Variants in NPAS2 observed in about 807,000 individuals in gnomAD.
NPAS2 encodes neuronal PAS domain protein 2, also known as neuronal PAS domain-containing protein 2.
NPAS2 carries 23 observed loss-of-function variants against 107.5 expected under a neutral mutation model. That is an observed-to-expected ratio of 0.21 (90% CI 0.15 to 0.30). The LOEUF (loss-of-function observed/expected upper bound fraction) is 0.30. Among genes scored for constraint, NPAS2 ranks in the 10% least tolerant of loss-of-function variants. The pLI is 1.00. For missense variants in NPAS2, 756 were observed against 1,043.3 expected, an observed-to-expected ratio of 0.72 and a Z score of 3.79; for synonymous variants, 403 against 417.5, an observed-to-expected ratio of 0.97 and a Z score of 0.42.
intron 7 of NPAS2, among the ~76,000 whole-genome samples, chr2:100,957,945 G>C (rs914431134): frequency 1.3e-5 from 2 of 152,080 alleles, no homozygotes; most frequent in Non-Finnish European, 2.9e-5. Flanking sequence ...AAAGGTCTTT[G>C]CTTTACGGGG....
chr2:100,968,577 T>TA lies in NPAS2; in HGVS notation c.1055+151dup, dbSNP rs1676366900. The TA allele has an allele frequency of 1.4e-6, 1 of 724,068 alleles. No homozygotes were observed. Among genetic ancestry groups the TA allele is most frequent in the Non-Finnish European group, 2.2e-6 (1 of 449,018 alleles). 44.9% of individuals were successfully genotyped at this position (724,068 alleles called of 1,614,324 possible). A position where few individuals can be genotyped will look rare whatever the true frequency, so the allele number is the denominator to read the frequency against. On this transcript the variant is annotated intron_variant, in intron 11 of 20. Transcript: ENST00000335681. The surrounding 1 kb of genome is among the most constrained non-coding windows in gnomAD (Gnocchi z 5.3). ...TGAAGCCCAGGCCATCCCCTGCCGT[T>TA]AACAGCACAATTCCCAGAGCTCAGC...
chr2:100,930,863 T>C (rs1221989205), intron 3 of NPAS2, among the ~76,000 whole-genome samples: 1 of 152,230 alleles, frequency 6.6e-6, no homozygotes, highest in Non-Finnish European at 1.5e-5. Flanking sequence ...AAGACTCTTC[T>C]GCTAGAAAAA....
intron 16 of NPAS2, chr2:100,987,831 C>T: frequency 1.8e-6 from 1 of 548,746 alleles, no homozygotes. Flanking sequence ...ATTGTTAGGC[C>T]TCAGTCACTT....
chr2:100,982,780 T>C, intron 16 of NPAS2: 1 of 198,188 alleles, frequency 5.0e-6, no homozygotes, highest in South Asian at 1.1e-4. Context: ...GAAGCAGCTC[T>C]GTTGTTTCTC....
At chr2:100,931,204 C>A (rs891229845) in intron 3 of NPAS2, among the ~76,000 whole-genome samples, 4 of 152,172 alleles carry the variant, frequency 2.6e-5, no homozygotes, top group African/African-American at 9.7e-5. Context: ...TCCAGGGGCC[C>A]TCTCAGTGTC....
intron 1 of NPAS2, among the ~76,000 whole-genome samples, chr2:100,863,645 A>C (rs1253455950): frequency 6.6e-6 from 1 of 152,184 alleles, no homozygotes; most frequent in Admixed American, 6.5e-5. Context: ...TAAACACAGG[A>C]ATGAGAAATA....
At chr2:100,858,040 T>C (rs1294275545) in intron 1 of NPAS2, among the ~76,000 whole-genome samples, 2 of 152,230 alleles carry the variant, frequency 1.3e-5, no homozygotes, top group African/African-American at 2.4e-5. Context: ...ATGCAGCTCT[T>C]TATAAAACAT....
intron 1 of NPAS2, among the ~76,000 whole-genome samples, chr2:100,842,081 G>GCGCGTGCACACACACACACACACA: frequency 2.9e-4 from 43 of 148,798 alleles, no homozygotes; most frequent in Non-Finnish European, 4.8e-4. Context: ...GCATGTACGC[G>GCGCGTGCACACACACACACACACA]CACACACACA....
intron 2 of NPAS2, among the ~76,000 whole-genome samples, chr2:100,906,136 A>G (rs1341897103): frequency 6.6e-6 from 1 of 152,254 alleles, no homozygotes; most frequent in Non-Finnish European, 1.5e-5. Context: ...TCAAACAGGC[A>G]TCAGTGCATA....
At chr2:100,971,199 T>C in intron 12 of NPAS2, 125 bp downstream of exon 12, 1 of 806,622 alleles carries the variant, frequency 1.2e-6, no homozygotes, top group Non-Finnish European at 1.9e-6. Flanking sequence ...TTCAGGAGGC[T>C]GAGGTGGGAG....
At chr2:100,867,608 G>A (rs957104072) in intron 1 of NPAS2, among the ~76,000 whole-genome samples, 1 of 152,110 alleles carries the variant, frequency 6.6e-6, no homozygotes, top group African/African-American at 2.4e-5. Flanking sequence ...TGAGAACAAT[G>A]TTTGCTAGGT....
chr2:100,915,186 C>A (rs1456614591), intron 2 of NPAS2, among the ~76,000 whole-genome samples: 1 of 140,392 alleles, frequency 7.1e-6, no homozygotes, highest in Non-Finnish European at 1.5e-5. Context: ...ACCTTTTATG[C>A]AGAGGAAGGG....
intron 5 of NPAS2, among the ~76,000 whole-genome samples, chr2:100,943,849 T>C (rs1249082480): frequency 6.6e-6 from 1 of 152,188 alleles, no homozygotes; most frequent in Non-Finnish European, 1.5e-5. Flanking sequence ...GCCCTTCCAA[T>C]TTTACCAGAT....
At chr2:100,876,455 TCGG>T (rs1282453185) in intron 1 of NPAS2, among the ~76,000 whole-genome samples, 1 of 152,222 alleles carries the variant, frequency 6.6e-6, no homozygotes, top group Non-Finnish European at 1.5e-5. Flanking sequence ...TCTCTTCCTT[TCGG>T]ACCTGGCCTT....
rs994454686 is a variant in NPAS2 at position 100,901,453 on chromosome 2, G to T, written c.-22-3280G>T. ...AGCTTAAAAAGACTCCGGAGAGTTT[G>T]TGTTCTAGGAAAACCCAAGAAACCC... On this transcript the variant is annotated intron_variant, in intron 1 of 20. Transcript: ENST00000335681. 5 of 886,444 alleles carry T rather than the reference G, an allele frequency of 5.6e-6. No homozygotes were observed. In the African/African-American group the frequency reaches 9.1e-5, roughly 16 times the overall value. 54.9% of individuals were successfully genotyped at this position (886,444 alleles called of 1,614,324 possible).
intron 2 of NPAS2, among the ~76,000 whole-genome samples, chr2:100,916,372 T>C (rs1371405371): frequency 1.3e-5 from 2 of 152,086 alleles, no homozygotes; most frequent in African/African-American, 4.8e-5. Context: ...AACTCAAATA[T>C]GATGCTATAG....
intron 2 of NPAS2, among the ~76,000 whole-genome samples, chr2:100,918,070 A>ATATG (rs1292392142): frequency 1.3e-5 from 2 of 150,922 alleles, no homozygotes. Flanking sequence ...ATATATATTT[A>ATATG]TATATATTTT....
chr2:100,883,096 T>C (rs1460694432), intron 1 of NPAS2, among the ~76,000 whole-genome samples: 1 of 152,220 alleles, frequency 6.6e-6, no homozygotes, highest in Admixed American at 6.5e-5. Context: ...GATTGGAACC[T>C]ACACAGCTAG....
At chr2:100,828,483 C>T (rs566009034) in intron 1 of NPAS2, among the ~76,000 whole-genome samples, 2 of 152,198 alleles carry the variant, frequency 1.3e-5, no homozygotes, top group East Asian at 3.9e-4. Flanking sequence ...GGCCAGTGTC[C>T]AGACTGATGT....
Sources: allele counts gnomAD v4.1 joint callset (sites outside exome capture counted in the v4.1 genomes callset), GRCh38; gene constraint gnomAD v4.1.1; non-coding constraint Gnocchi (gnomAD v3.1); transcripts MANE v1.5; gene names NCBI Gene and HGNC (gene_info 2026-07-23, HGNC 2026-07-21).